Variants in STXBP5 observed in about 807,000 individuals in gnomAD.
STXBP5 encodes syntaxin binding protein 5.
In STXBP5, 50 loss-of-function variants were observed where a neutral mutation model predicts 152.4. The ratio of observed to expected loss-of-function variants is 0.33; its 90% confidence interval spans 0.26 to 0.42. The LOEUF (loss-of-function observed/expected upper bound fraction) is 0.42. Among genes scored for constraint, STXBP5 ranks in the 10% least tolerant of loss-of-function variants. The probability of loss-of-function intolerance (pLI) is 1.00; values close to 1 mark genes in which losing one functional copy is unlikely to be tolerated. For synonymous variants in STXBP5, 492 were observed against 494.7 expected, an observed-to-expected ratio of 0.99 and a Z score of 0.07; for missense variants, 1,167 against 1,388.6, an observed-to-expected ratio of 0.84 and a Z score of 2.54.
intron 2 of STXBP5, among the ~76,000 whole-genome samples, chr6:147,222,649 A>G (rs1005519916): frequency 6.6e-6 from 1 of 152,154 alleles, no homozygotes; most frequent in African/African-American, 2.4e-5. Flanking sequence ...GCTCTCGTAA[A>G]AGTGTTATTT....
rs1311826293 is a variant in STXBP5 at position 147,384,843 on chromosome 6, G to C, written c.*88G>C. On this transcript the variant is annotated 3_prime_UTR_variant, in exon 28 of 28. Coordinates refer to ENST00000321680, the MANE Select transcript of STXBP5 (RefSeq NM_001127715.4). Reference sequence around the variant, plus strand: ...TTCTTTAGGAAAGTTAACGTTAAAGGGATGTTCGTCACTGAATACTGTTCT... The same window carrying C: ...TTCTTTAGGAAAGTTAACGTTAAAGCGATGTTCGTCACTGAATACTGTTCT... The C allele has an allele frequency of 1.3e-5, 17 of 1,325,508 alleles. No individual in the cohort carries two copies. Among genetic ancestry groups the C allele is most frequent in the Non-Finnish European group, 1.6e-5 (15 of 930,268 alleles). The allele number at this position is 1,325,508 out of a possible 1,614,324, so 82.1% of individuals were successfully genotyped here. A position where few individuals can be genotyped will look rare whatever the true frequency, so the allele number is the denominator to read the frequency against.
At chr6:147,247,732 CAGTT>C (rs531738748) in intron 4 of STXBP5, among the ~76,000 whole-genome samples, 99 of 152,102 alleles carry the variant, frequency 6.5e-4, no homozygotes, top group African/African-American at 2.2e-3. Flanking sequence ...TTAACGTGTG[CAGTT>C]AGTTAATTTA....
intron 26 of STXBP5, among the ~76,000 whole-genome samples, chr6:147,380,225 A>G (rs546404977): frequency 1.3e-5 from 2 of 151,550 alleles, no homozygotes; most frequent in Non-Finnish European, 2.9e-5. Flanking sequence ...TTGAAAAAGA[A>G]AAAAGCTGGA....
intron 4 of STXBP5, among the ~76,000 whole-genome samples, chr6:147,256,853 G>C (rs924582306): frequency 3.9e-5 from 6 of 152,130 alleles, no homozygotes. Flanking sequence ...GAATATAAAT[G>C]TGATGACATT....
At position 147,234,710 on chromosome 6, in the gene STXBP5, G is replaced by A. The variant is rs537229144; in HGVS notation, c.249-540G>A. 6.6e-5 allele frequency among the ~76,000 whole-genome samples: 10 copies of A among 151,984 alleles called. No individual in the cohort carries two copies. In the East Asian group the frequency reaches 1.9e-3, roughly 29 times the overall value. ...AGTAAAAGATTGACACGTTCATTTGGTGAAACAAAATCATGTTTCAATTAG... is the reference window on the plus strand; with the variant it reads ...AGTAAAAGATTGACACGTTCATTTGATGAAACAAAATCATGTTTCAATTAG... On this transcript the variant is annotated intron_variant, in intron 2 of 27. Coordinates refer to ENST00000321680, the MANE Select transcript of STXBP5 (RefSeq NM_001127715.4).
intron 2 of STXBP5, among the ~76,000 whole-genome samples, chr6:147,226,737 T>C (rs1253948579): frequency 6.6e-6 from 1 of 152,222 alleles, no homozygotes; most frequent in Non-Finnish European, 1.5e-5. Flanking sequence ...TTGGAGTAAC[T>C]GAAGACCTAA....
intron 7 of STXBP5, among the ~76,000 whole-genome samples, chr6:147,273,770 T>C (rs1780298683): frequency 6.6e-6 from 1 of 151,842 alleles, no homozygotes; most frequent in East Asian, 2.0e-4. Context: ...GGTAACAGGG[T>C]GAAACCCCAT....
intron 10 of STXBP5, among the ~76,000 whole-genome samples, chr6:147,310,983 A>G (rs909096318): frequency 1.1e-4 from 16 of 152,184 alleles, no homozygotes; most frequent in South Asian, 2.1e-4. Context: ...GCTAGTGTAT[A>G]TAATTCAAGA....
intron 6 of STXBP5, among the ~76,000 whole-genome samples, chr6:147,265,988 C>T (rs1779874657): frequency 2.0e-5 from 3 of 151,642 alleles, no homozygotes; most frequent in South Asian, 4.2e-4. Context: ...CAGAAGGCTT[C>T]CCAGAGGAAA....
At chr6:147,214,781 T>C (rs2115051587) in intron 2 of STXBP5, among the ~76,000 whole-genome samples, 1 of 152,296 alleles carries the variant, frequency 6.6e-6, no homozygotes, top group Admixed American at 6.5e-5. Context: ...TTACAGGGTA[T>C]GAAAAAATAC....
chr6:147,364,548 TCTCAA>T (rs1178055027), intron 25 of STXBP5, among the ~76,000 whole-genome samples: 3 of 152,206 alleles, frequency 2.0e-5, no homozygotes, highest in African/African-American at 4.8e-5. Context: ...AATTTTGTAA[TCTCAA>T]CTCCTATTCA....
chr6:147,273,461 CTTTAT>C (rs1171927690), intron 7 of STXBP5, among the ~76,000 whole-genome samples: 1 of 152,042 alleles, frequency 6.6e-6, no homozygotes, highest in Non-Finnish European at 1.5e-5. Flanking sequence ...TTATGAATTT[CTTTAT>C]TTTATGATTA....
intron 25 of STXBP5, among the ~76,000 whole-genome samples, chr6:147,366,076 A>G (rs1422612269): frequency 1.3e-5 from 2 of 152,228 alleles, no homozygotes; most frequent in Non-Finnish European, 2.9e-5. Context: ...GGGCGAAGGT[A>G]CTAAGTTAAA....
At chr6:147,215,809 A>C (rs1582795141) in intron 2 of STXBP5, among the ~76,000 whole-genome samples, 1 of 152,322 alleles carries the variant, frequency 6.6e-6, no homozygotes, top group South Asian at 2.1e-4. Context: ...GTATAATAAT[A>C]AAGGTAGCTT....
At chr6:147,306,536 A>G (rs554632224) in intron 9 of STXBP5, among the ~76,000 whole-genome samples, 40 of 152,316 alleles carry the variant, frequency 2.6e-4, no homozygotes, top group Admixed American at 2.4e-3. Flanking sequence ...TGGAGATGAA[A>G]AGGAGGAGAC....
At chr6:147,334,995 C>T (rs1430547788) in intron 19 of STXBP5, among the ~76,000 whole-genome samples, 1 of 152,048 alleles carries the variant, frequency 6.6e-6, no homozygotes, top group African/African-American at 2.4e-5. Context: ...TTTTGTTTTA[C>T]TCCCTCACAT....
rs182969522 is a variant in STXBP5, at chr6:147,288,318, G to T, written c.839-2776G>T. On this transcript the variant is annotated intron_variant, in intron 8 of 27. Transcript: ENST00000321680. The stretch of plus-strand genomic sequence containing the variant: ...TGTTGATTGTGCTGTAGCAAAAGTG[G>T]TTTTAACAGAGCTCCAAGAAAACTT... Among the ~76,000 whole-genome samples, 690 of 152,254 alleles carry T rather than the reference G, an allele frequency of 4.5e-3. 3 individuals carry two copies. The highest frequency in any genetic ancestry group is 9.1e-3 in the Admixed American group (139 of 15,306).
intron 18 of STXBP5, 27 bp downstream of exon 18, chr6:147,327,303 G>C: frequency 1.3e-6 from 2 of 1,590,796 alleles, no homozygotes; most frequent in African/African-American, 1.4e-5. Context: ...AGAAAATTCT[G>C]AGCTTTAGGA....
chr6:147,291,035 A>G (rs1781250846), intron 8 of STXBP5, 59 bp from the exon 9 acceptor site: 2 of 1,268,046 alleles, frequency 1.6e-6, no homozygotes, highest in South Asian at 1.4e-5. Flanking sequence ...TAAACTATCA[A>G]TGTAAGAATG....
Sources: allele counts gnomAD v4.1 joint callset (sites outside exome capture counted in the v4.1 genomes callset), GRCh38; gene constraint gnomAD v4.1.1; transcripts MANE v1.5; gene names NCBI Gene and HGNC (gene_info 2026-07-23, HGNC 2026-07-21).